RBFOX1: variants seen among roughly 807,000 people sequenced by gnomAD.
The protein encoded by RBFOX1 is RNA binding protein fox-1 homolog 1.
In RBFOX1, 8 loss-of-function variants were observed where a neutral mutation model predicts 57.7. The observed-to-expected ratio is 0.14, with a 90% confidence interval of 0.08 to 0.25. The LOEUF (loss-of-function observed/expected upper bound fraction) is 0.25, where lower values mean the gene tolerates loss of function less well. RBFOX1 is among the 10% of genes least tolerant of loss of function. The pLI, the probability that RBFOX1 is intolerant of heterozygous loss-of-function variation, is 1.00. For synonymous variants in RBFOX1, 326 were observed against 222.4 expected (o/e 1.47, Z -4.15); for missense variants, 611 against 548.5 (o/e 1.11, Z -1.14).
At chr16:7,697,170 C>G (rs1486714639) in intron 14 of RBFOX1, among the ~76,000 whole-genome samples, 1 of 152,060 alleles carries the variant, frequency 6.6e-6, no homozygotes, top group East Asian at 1.9e-4. Context: ...AATGGGGGGG[C>G]CCTTACAGCT....
chr16:5,938,964 A>G (rs2059225634), intron 4 of RBFOX1, among the ~76,000 whole-genome samples: 1 of 152,202 alleles, frequency 6.6e-6, no homozygotes, highest in African/African-American at 2.4e-5. Flanking sequence ...GAAGCTGGCA[A>G]CCATCATTAT....
intron 1 of RBFOX1, among the ~76,000 whole-genome samples, chr16:5,436,503 G>C (rs12596398): frequency 7.2e-5 from 11 of 152,042 alleles, no homozygotes; most frequent in African/African-American, 2.7e-4. Flanking sequence ...CTCAGAACTC[G>C]TCTTTTTTAC....
intron 4 of RBFOX1, among the ~76,000 whole-genome samples, chr16:7,340,096 G>T (rs980509903): frequency 2.0e-5 from 3 of 152,162 alleles, no homozygotes; most frequent in Non-Finnish European, 2.9e-5. Flanking sequence ...TCTAATCTCT[G>T]GTTGCCCACT....
chr16:6,121,976 G>C (rs1195567045), intron 1 of RBFOX1, among the ~76,000 whole-genome samples: 1 of 152,120 alleles, frequency 6.6e-6, no homozygotes, highest in Non-Finnish European at 1.5e-5. Context: ...CATGATCTCT[G>C]CTCACTGCAA....
chr16:7,243,980 A>ATTTGT (rs112634010), intron 4 of RBFOX1, among the ~76,000 whole-genome samples: 8 of 151,328 alleles, frequency 5.3e-5, no homozygotes, highest in Admixed American at 1.3e-4. Context: ...ACTAACATAC[A>ATTTGT]TTTCTTTTTT....
At chr16:5,360,522 C>T (rs984745575) in intron 1 of RBFOX1, among the ~76,000 whole-genome samples, 43 of 152,204 alleles carry the variant, frequency 2.8e-4, no homozygotes, top group African/African-American at 9.9e-4. Flanking sequence ...ATACCAGTAT[C>T]AGCTACCTGG....
intron 4 of RBFOX1, among the ~76,000 whole-genome samples, chr16:7,364,921 G>A (rs1170309536): frequency 1.3e-5 from 2 of 152,192 alleles, no homozygotes; most frequent in African/African-American, 2.4e-5. Context: ...ACTAGTGAAT[G>A]TGTCAATTAG....
intron 3 of RBFOX1, among the ~76,000 whole-genome samples, chr16:6,871,741 G>A (rs904468081): frequency 1.3e-4 from 19 of 151,866 alleles, no homozygotes; most frequent in South Asian, 4.2e-4. Flanking sequence ...TTACATGATC[G>A]CCATCATTCT....
chr16:6,865,625 G>A (rs140044865), intron 3 of RBFOX1, among the ~76,000 whole-genome samples: 4 of 152,096 alleles, frequency 2.6e-5, no homozygotes, highest in African/African-American at 4.8e-5. Flanking sequence ...AGATACTATG[G>A]ACTGAGATGT....
chr16:5,505,847 C>G (rs1471351605), intron 2 of RBFOX1, among the ~76,000 whole-genome samples: 1 of 152,110 alleles, frequency 6.6e-6, no homozygotes, highest in Non-Finnish European at 1.5e-5. Context: ...GCGTGTGTGT[C>G]TAGAGGGATG....
chr16:5,280,371 A>G (rs2063241324), intron 1 of RBFOX1, among the ~76,000 whole-genome samples: 1 of 152,146 alleles, frequency 6.6e-6, no homozygotes, highest in African/African-American at 2.4e-5. Context: ...ATCTGTGTGT[A>G]TTCGGAATAT....
At chr16:5,484,242 C>T (rs1334931524) in intron 2 of RBFOX1, among the ~76,000 whole-genome samples, 1 of 152,240 alleles carries the variant, frequency 6.6e-6, no homozygotes, top group Non-Finnish European at 1.5e-5. Context: ...GGATGATCTG[C>T]TTCTCAATTC....
chr16:6,370,532 C>G (rs182754657), intron 2 of RBFOX1, among the ~76,000 whole-genome samples: 2 of 152,182 alleles, frequency 1.3e-5, no homozygotes, highest in Admixed American at 6.5e-5. Flanking sequence ...CTGACACGTG[C>G]TACAACATGG....
At chr16:6,628,785 C>G (rs768092522) in intron 2 of RBFOX1, among the ~76,000 whole-genome samples, 29 of 152,180 alleles carry the variant, frequency 1.9e-4, no homozygotes, top group Non-Finnish European at 4.1e-4. Context: ...AACTGTCATT[C>G]TTCCAAAGTT....
intron 3 of RBFOX1, among the ~76,000 whole-genome samples, chr16:6,694,085 C>T (rs2060661219): frequency 1.3e-5 from 2 of 152,200 alleles, no homozygotes; most frequent in Non-Finnish European, 2.9e-5. Context: ...AAACAAATTT[C>T]AATAATTCAA....
chr16:5,623,743 G>T (rs1039281153), intron 3 of RBFOX1, among the ~76,000 whole-genome samples: 1 of 151,776 alleles, frequency 6.6e-6, no homozygotes, highest in African/African-American at 2.4e-5. Context: ...TGTCTCTCCT[G>T]CTCTTTTTCT....
intron 4 of RBFOX1, among the ~76,000 whole-genome samples, chr16:7,161,502 G>C (rs1567517450): frequency 6.6e-6 from 1 of 152,080 alleles, no homozygotes; most frequent in East Asian, 1.9e-4. Flanking sequence ...TAGGGGTTAG[G>C]AATCATTTTT....
At chr16:7,150,269 T>G (rs1447907817) in intron 4 of RBFOX1, among the ~76,000 whole-genome samples, 1 of 152,238 alleles carries the variant, frequency 6.6e-6, no homozygotes, top group Non-Finnish European at 1.5e-5. Flanking sequence ...TCCACCTATC[T>G]GTACAACCTT....
chr16:7,529,636 T>C (rs2079524544), intron 5 of RBFOX1, among the ~76,000 whole-genome samples: 1 of 152,222 alleles, frequency 6.6e-6, no homozygotes, highest in African/African-American at 2.4e-5. Flanking sequence ...TGTTCACTAC[T>C]ATTTTATTCA....
Sources: gnomAD v4.1 joint callset for allele counts (sites outside exome capture counted in the v4.1 genomes callset) on GRCh38, gnomAD v4.1.1 for gene constraint, MANE v1.5 for transcripts, NCBI Gene and HGNC (gene_info 2026-07-23, HGNC 2026-07-21) for gene names.